Variants in SHOC2 observed in about 807,000 individuals in gnomAD.
SHOC2 encodes the protein leucine-rich repeat protein SHOC-2.
Under a neutral mutation model 50.2 loss-of-function variants are expected in SHOC2, and 4 were observed. That is an observed-to-expected ratio of 0.08 (90% CI 0.04 to 0.18). The LOEUF (loss-of-function observed/expected upper bound fraction) is 0.18, where lower values mean the gene tolerates loss of function less well. Among genes scored for constraint, SHOC2 ranks in the 10% least tolerant of loss-of-function variants. The pLI is 1.00. For missense variants in SHOC2, 388 were observed against 669.6 expected, an observed-to-expected ratio of 0.58 and a Z score of 4.64; for synonymous variants, 218 against 244.5, an observed-to-expected ratio of 0.89 and a Z score of 1.01.
chr10:110,929,452 T>G lies in SHOC2; in HGVS notation c.-235+9795T>G, dbSNP rs1846844317. Among the ~76,000 whole-genome samples the G allele has an allele frequency of 3.3e-5, 5 of 152,356 alleles. No homozygotes were observed. In the South Asian group the frequency reaches 1.0e-3, roughly 32 times the overall value. On this transcript the variant is annotated intron_variant, in intron 1 of 8. Transcript: ENST00000369452. Reference sequence around the variant, plus strand: ...GGGAATCTTATTTCATATCAAAGCTTCTGATGTGGGAATCTTATTTTGAGA... The same window carrying G: ...GGGAATCTTATTTCATATCAAAGCTGCTGATGTGGGAATCTTATTTTGAGA...
intron 8 of SHOC2, 74 bp from the exon 9 acceptor site, chr10:111,011,536 A>G (rs1564732007): frequency 1.0e-6 from 1 of 980,282 alleles, no homozygotes; most frequent in East Asian, 2.5e-5. Context: ...AATGACCAGA[A>G]CAGCATCATG....
chr10:110,988,081 C>T (rs183500923), intron 3 of SHOC2, among the ~76,000 whole-genome samples: 250 of 152,036 alleles, frequency 1.6e-3, no homozygotes, highest in African/African-American at 5.9e-3. Context: ...GATAATAAGA[C>T]CAAAATTGCT....
chr10:110,979,552 T>C (rs1048579886), intron 2 of SHOC2, among the ~76,000 whole-genome samples: 4 of 152,230 alleles, frequency 2.6e-5, no homozygotes, highest in Non-Finnish European at 5.9e-5. Context: ...GTTTTAACTT[T>C]GGTCTCCCTG....
chr10:110,990,797 TTACTC>T (rs955471298), intron 3 of SHOC2, among the ~76,000 whole-genome samples: 1 of 152,098 alleles, frequency 6.6e-6, no homozygotes, highest in African/African-American at 2.4e-5. Context: ...AAATGTTGCT[TTACTC>T]TACTGCAAAT....
chr10:110,950,610 ATTG>A (rs768084154), intron 1 of SHOC2, among the ~76,000 whole-genome samples: 8 of 152,184 alleles, frequency 5.3e-5, no homozygotes, highest in Non-Finnish European at 1.0e-4. Flanking sequence ...TGCCTCCATA[ATTG>A]TTCAAAATAT....
At chr10:110,987,786 C>T (rs1800966943) in intron 3 of SHOC2, among the ~76,000 whole-genome samples, 1 of 151,584 alleles carries the variant, frequency 6.6e-6, no homozygotes, top group African/African-American at 2.4e-5. Context: ...GAGGCTGATA[C>T]AAAAAGGGAA....
chr10:110,954,410 G>A (rs1847417524), intron 1 of SHOC2, among the ~76,000 whole-genome samples: 1 of 152,086 alleles, frequency 6.6e-6, no homozygotes, highest in East Asian at 1.9e-4. Flanking sequence ...GTTTATGTTA[G>A]CATCAAAATA....
At chr10:110,995,705 A>G (rs1468176313) in intron 3 of SHOC2, among the ~76,000 whole-genome samples, 1 of 152,138 alleles carries the variant, frequency 6.6e-6, no homozygotes, top group Non-Finnish European at 1.5e-5. Flanking sequence ...TTTTTATCAA[A>G]TGTCACAGGA....
intron 3 of SHOC2, among the ~76,000 whole-genome samples, chr10:110,996,733 C>T (rs1280263063): frequency 1.3e-5 from 2 of 152,070 alleles, no homozygotes; most frequent in Non-Finnish European, 2.9e-5. Flanking sequence ...TAATGTTTCT[C>T]AATTTTTGCT....
At chr10:110,990,676 A>G (rs1047445010) in intron 3 of SHOC2, among the ~76,000 whole-genome samples, 2 of 152,022 alleles carry the variant, frequency 1.3e-5, no homozygotes, top group African/African-American at 4.8e-5. Flanking sequence ...AGCATTGGCA[A>G]CCCACTCGGG....
At chr10:110,990,760 A>G (rs1848170575) in intron 3 of SHOC2, among the ~76,000 whole-genome samples, 1 of 152,106 alleles carries the variant, frequency 6.6e-6, no homozygotes, top group African/African-American at 2.4e-5. Context: ...AAAAAAACAA[A>G]AACAAAAAAC....
chr10:110,925,465 T>G (rs1022762158), intron 1 of SHOC2, among the ~76,000 whole-genome samples: 4 of 152,198 alleles, frequency 2.6e-5, no homozygotes, highest in Admixed American at 2.0e-4. Flanking sequence ...GGTTTTGTTT[T>G]TGTTTTCAAG....
At chr10:110,957,171 C>A (rs1847480047) in intron 1 of SHOC2, among the ~76,000 whole-genome samples, 1 of 152,120 alleles carries the variant, frequency 6.6e-6, no homozygotes, top group African/African-American at 2.4e-5. Context: ...TGCTTTCATA[C>A]CATTTAAATG....
At chr10:111,004,369 T>C (rs992211621) in intron 4 of SHOC2, among the ~76,000 whole-genome samples, 2 of 152,226 alleles carry the variant, frequency 1.3e-5, no homozygotes, top group Non-Finnish European at 2.9e-5. Context: ...GAAAATTTTC[T>C]GTTTCCTCCT....
In SHOC2 at chr10:111,012,683, A is replaced by G. The variant is rs1476745147; in HGVS notation, c.*865A>G. 1 of 152,222 alleles carries G rather than the reference A, an allele frequency of 6.6e-6. No homozygotes were observed. The highest frequency in any genetic ancestry group is 1.9e-4 in the East Asian group (1 of 5,202). 9.4% of individuals were successfully genotyped at this position (152,222 alleles called of 1,614,324 possible). A position where few individuals can be genotyped will look rare whatever the true frequency, so the allele number is the denominator to read the frequency against. On this transcript the variant is annotated 3_prime_UTR_variant, in exon 9 of 9. Transcript: ENST00000369452. The stretch of plus-strand genomic sequence containing the variant: ...CAGGATAATTGGGCAAATAAATTAC[A>G]TATAAACACACACAATCTATATATG...
At chr10:110,940,910 GT>G (rs539552844) in intron 1 of SHOC2, among the ~76,000 whole-genome samples, 2 of 119,482 alleles carry the variant, frequency 1.7e-5, no homozygotes, top group African/African-American at 6.4e-5. Flanking sequence ...TTTGTGGTGG[GT>G]TTTTTTTTTT....
At chr10:110,948,352 A>G (rs1302830189) in intron 1 of SHOC2, among the ~76,000 whole-genome samples, 1 of 152,036 alleles carries the variant, frequency 6.6e-6, no homozygotes, top group Non-Finnish European at 1.5e-5. Context: ...AAATCAATAA[A>G]GAAATAACAG....
At chr10:110,936,092 C>G (rs1299113991) in intron 1 of SHOC2, among the ~76,000 whole-genome samples, 2 of 146,384 alleles carry the variant, frequency 1.4e-5, no homozygotes, top group Non-Finnish European at 3.0e-5. Flanking sequence ...TATTGCTTCA[C>G]TGATTTTTTT....
intron 1 of SHOC2, among the ~76,000 whole-genome samples, chr10:110,928,920 G>A (rs759223076): frequency 1.3e-5 from 2 of 152,136 alleles, no homozygotes; most frequent in African/African-American, 2.4e-5. Flanking sequence ...TATAACTCCT[G>A]TAGAGTTAGC....
Sources: gnomAD v4.1 joint callset for allele counts (sites outside exome capture counted in the v4.1 genomes callset) on GRCh38, gnomAD v4.1.1 for gene constraint, MANE v1.5 for transcripts, NCBI Gene and HGNC (gene_info 2026-07-23, HGNC 2026-07-21) for gene names.